The following MYRIP variants were observed in gnomAD, a reference collection of about 807,000 sequenced individuals.
The protein encoded by MYRIP is rab effector MyRIP.
MYRIP carries 49 observed loss-of-function variants against 98.0 expected under a neutral mutation model. That is an observed-to-expected ratio of 0.50 (90% CI 0.40 to 0.63). The LOEUF (loss-of-function observed/expected upper bound fraction) is 0.63. Among genes scored for constraint, MYRIP ranks in the 30% least tolerant of loss-of-function variants. The probability of loss-of-function intolerance (pLI) is 0.00; values close to 1 mark genes in which losing one functional copy is unlikely to be tolerated. For synonymous variants in MYRIP, 404 were observed against 409.5 expected, an observed-to-expected ratio of 0.99 and a Z score of 0.16; for missense variants, 1,004 against 1,058.2, an observed-to-expected ratio of 0.95 and a Z score of 0.71.
chr3:40,133,364 A>G (rs1949686138), intron 3 of MYRIP, among the ~76,000 whole-genome samples: 1 of 152,230 alleles, frequency 6.6e-6, no homozygotes, highest in African/African-American at 2.4e-5. Flanking sequence ...GCCTGATGTA[A>G]TAAGACAAAC....
intron 2 of MYRIP, among the ~76,000 whole-genome samples, chr3:39,912,207 G>T (rs1215521589): frequency 6.6e-6 from 1 of 152,026 alleles, no homozygotes; most frequent in Non-Finnish European, 1.5e-5. Flanking sequence ...CCCTTCCCTG[G>T]CTAATTCTTA....
Position 40,156,012 on chromosome 3 carries a change from C to T in MYRIP, c.469+4828C>T, listed in dbSNP as rs575113586. On this transcript the variant is annotated intron_variant, in intron 4 of 16. Coordinates refer to ENST00000302541, the MANE Select transcript of MYRIP (RefSeq NM_015460.4). ...TTTCATTTAATTATATCCCATTTGTCAATTTTGTCTTTTGTTGCCATTGCT... is the reference window on the plus strand; with the variant it reads ...TTTCATTTAATTATATCCCATTTGTTAATTTTGTCTTTTGTTGCCATTGCT... Among the ~76,000 whole-genome samples, 5 of 152,212 alleles carry T rather than the reference C, an allele frequency of 3.3e-5. No individual in the cohort carries two copies. The East Asian group carries it at 7.7e-4, about 23-fold the overall frequency.
At chr3:39,979,070 C>A (rs771951633) in intron 2 of MYRIP, among the ~76,000 whole-genome samples, 2 of 152,096 alleles carry the variant, frequency 1.3e-5, no homozygotes, top group Non-Finnish European at 2.9e-5. Context: ...AAAAACTCAG[C>A]TCTGGAATGC....
intron 3 of MYRIP, among the ~76,000 whole-genome samples, chr3:40,074,001 G>C (rs1451522619): frequency 6.6e-6 from 1 of 151,958 alleles, no homozygotes; most frequent in Admixed American, 6.5e-5. Flanking sequence ...TTCCATTCTT[G>C]TACTCCTTTA....
At chr3:40,064,513 C>A (rs775172100) in intron 3 of MYRIP, among the ~76,000 whole-genome samples, 4 of 152,160 alleles carry the variant, frequency 2.6e-5, no homozygotes, top group Non-Finnish European at 4.4e-5. Flanking sequence ...GACAGTATAA[C>A]TGTGGTATTA....
At chr3:40,129,027 C>T (rs1003695831) in intron 3 of MYRIP, among the ~76,000 whole-genome samples, 1 of 152,028 alleles carries the variant, frequency 6.6e-6, no homozygotes, top group Non-Finnish European at 1.5e-5. Context: ...CTCTTCAAAA[C>T]TTTTTATCAC....
chr3:40,206,301 T>C (rs1951791254), intron 10 of MYRIP, among the ~76,000 whole-genome samples: 1 of 152,200 alleles, frequency 6.6e-6, no homozygotes, highest in African/African-American at 2.4e-5. Flanking sequence ...GTTAATCTAC[T>C]TGATGAATAT....
At chr3:39,951,444 T>A (rs1945013201) in intron 2 of MYRIP, among the ~76,000 whole-genome samples, 1 of 152,068 alleles carries the variant, frequency 6.6e-6, no homozygotes, top group South Asian at 2.1e-4. Context: ...AAACAGGGGT[T>A]TGAACATTTT....
intron 3 of MYRIP, among the ~76,000 whole-genome samples, chr3:40,094,985 C>T (rs1948798969): frequency 6.6e-6 from 1 of 152,174 alleles, no homozygotes; most frequent in Non-Finnish European, 1.5e-5. Context: ...GCATGGCTAA[C>T]ACGAGTCTGA....
intron 2 of MYRIP, among the ~76,000 whole-genome samples, chr3:39,945,356 C>A (rs1395397604): frequency 6.9e-6 from 1 of 145,324 alleles, no homozygotes; most frequent in Admixed American, 6.9e-5. Flanking sequence ...ATGGTGTATG[C>A]CTGTAATCCC....
At chr3:39,893,286 A>G (rs1457603467) in intron 1 of MYRIP, among the ~76,000 whole-genome samples, 1 of 152,132 alleles carries the variant, frequency 6.6e-6, no homozygotes, top group African/African-American at 2.4e-5. Context: ...GTCTTTAAAT[A>G]TAATTTTCTT....
At chr3:39,936,813 C>T (rs1279816758) in intron 2 of MYRIP, among the ~76,000 whole-genome samples, 1 of 152,100 alleles carries the variant, frequency 6.6e-6, no homozygotes, top group South Asian at 2.1e-4. Context: ...AAAATGTATA[C>T]GTGTGTATCT....
intron 1 of MYRIP, among the ~76,000 whole-genome samples, chr3:39,812,532 C>T (rs76368091): frequency 3.3e-5 from 5 of 152,062 alleles, no homozygotes; most frequent in Non-Finnish European, 5.9e-5. Context: ...CTGGTTTGTT[C>T]CCATAAGAGC....
intron 13 of MYRIP, chr3:40,248,425 T>C (rs1953269891): frequency 6.6e-6 from 1 of 152,242 alleles, no homozygotes; most frequent in African/African-American, 2.4e-5. Context: ...CAGAGCTGAA[T>C]TGGTCATCCC....
At chr3:40,255,582 G>A (rs760246968) in intron 16 of MYRIP, among the ~76,000 whole-genome samples, 1 of 152,132 alleles carries the variant, frequency 6.6e-6, no homozygotes, top group Non-Finnish European at 1.5e-5. Flanking sequence ...TACTTTCAAA[G>A]AAAGGAGAAT....
rs180835080 is a variant in MYRIP at position 40,082,009 on chromosome 3, T to G, written c.332+37738T>G. 5.0e-4 allele frequency among the ~76,000 whole-genome samples: 76 copies of G among 152,334 alleles called. 1 individual carries two copies. The highest frequency in any genetic ancestry group is 4.6e-3 in the Admixed American group (70 of 15,300). On this transcript the variant is annotated intron_variant, in intron 3 of 16. Transcript: ENST00000302541. ...GTTGCAAATGACAAAATTCCCTTCT[T>G]TTTTAAGGCTGAATAGCATTCATTA...
chr3:39,919,682 C>T (rs1374461326), intron 2 of MYRIP, among the ~76,000 whole-genome samples: 2 of 139,784 alleles, frequency 1.4e-5, no homozygotes, highest in South Asian at 2.4e-4. Flanking sequence ...GCCATGTGTG[C>T]GGGTATGTGT....
Position 40,044,038 on chromosome 3 carries a change from T to G in MYRIP, c.111-12T>G, listed in dbSNP as rs370529660. On this transcript the variant is annotated splice_polypyrimidine_tract_variant and intron_variant, in intron 2 of 16. Coordinates refer to ENST00000302541, the MANE Select transcript of MYRIP (RefSeq NM_015460.4). ...CTCTCCTCCTCCCATTTCCCCTACC[T>G]TGGTTTCCCAGTGAGCTGAAGCAGA... 1.9e-4 allele frequency: 303 copies of G among 1,612,584 alleles called. No individual in the cohort carries two copies. The highest frequency in any genetic ancestry group is 2.3e-4 in the Non-Finnish European group (269 of 1,179,184).
intron 1 of MYRIP, among the ~76,000 whole-genome samples, chr3:39,860,943 C>T (rs1942450549): frequency 6.6e-6 from 1 of 152,256 alleles, no homozygotes; most frequent in Admixed American, 6.5e-5. Context: ...TGAACATGCA[C>T]ACAGATGCTA....
Sources: allele counts gnomAD v4.1 joint callset (sites outside exome capture counted in the v4.1 genomes callset), GRCh38; gene constraint gnomAD v4.1.1; transcripts MANE v1.5; gene names NCBI Gene and HGNC (gene_info 2026-07-23, HGNC 2026-07-21).